Variants in PCBP3 observed in about 807,000 individuals in gnomAD.
PCBP3 encodes poly(rC)-binding protein 3.
Under a neutral mutation model 52.7 loss-of-function variants are expected in PCBP3, and 25 were observed. The ratio of observed to expected loss-of-function variants is 0.47; its 90% confidence interval spans 0.35 to 0.66. PCBP3 has a LOEUF of 0.66. PCBP3 is among the 30% of genes least tolerant of loss of function. The pLI, the probability that PCBP3 is intolerant of heterozygous loss-of-function variation, is 0.01. For synonymous variants in PCBP3, 162 were observed against 183.0 expected, an observed-to-expected ratio of 0.89 and a Z score of 0.93; for missense variants, 391 against 490.3, an observed-to-expected ratio of 0.80 and a Z score of 1.91.
chr21:45,849,486 A>G (rs1007580890), intron 4 of PCBP3, among the ~76,000 whole-genome samples: 1 of 152,108 alleles, frequency 6.6e-6, no homozygotes, highest in African/African-American at 2.4e-5. Context: ...GATTACAGGC[A>G]TGAGCCACCA....
chr21:45,694,015 A>T (rs2082629954), intron 2 of PCBP3, among the ~76,000 whole-genome samples: 1 of 152,178 alleles, frequency 6.6e-6, no homozygotes, highest in South Asian at 2.1e-4. Flanking sequence ...AGCAGTCTGT[A>T]ATAAATTATA....
chr21:45,732,517 T>C (rs1444571338), intron 2 of PCBP3, among the ~76,000 whole-genome samples: 1 of 151,832 alleles, frequency 6.6e-6, no homozygotes, highest in Non-Finnish European at 1.5e-5. Flanking sequence ...TTTTTTTTTT[T>C]TACATAATTT....
chr21:45,936,719 A>C (rs1463125738), intron 16 of PCBP3, among the ~76,000 whole-genome samples: 2 of 152,238 alleles, frequency 1.3e-5, no homozygotes, highest in African/African-American at 4.8e-5. Flanking sequence ...CACTAACACC[A>C]GGTTTGGTGC....
At chr21:45,722,780 A>G (rs1232225813) in intron 2 of PCBP3, among the ~76,000 whole-genome samples, 3 of 152,022 alleles carry the variant, frequency 2.0e-5, no homozygotes, top group Non-Finnish European at 4.4e-5. Flanking sequence ...GTGGGGGTGG[A>G]TCATGAGGTC....
At chr21:45,803,097 G>C (rs970550213) in intron 4 of PCBP3, among the ~76,000 whole-genome samples, 1 of 152,218 alleles carries the variant, frequency 6.6e-6, no homozygotes, top group Non-Finnish European at 1.5e-5. Context: ...AAAGCAACTT[G>C]AGAAAACAGC....
intron 5 of PCBP3, among the ~76,000 whole-genome samples, chr21:45,850,843 A>G (rs1603450348): frequency 6.6e-6 from 1 of 152,256 alleles, no homozygotes; most frequent in East Asian, 1.9e-4. Flanking sequence ...ATAACACAGC[A>G]TGTGGAGAGC....
intron 4 of PCBP3, among the ~76,000 whole-genome samples, chr21:45,796,650 A>C (rs542558349): frequency 6.6e-6 from 1 of 152,104 alleles, no homozygotes; most frequent in East Asian, 1.9e-4. Flanking sequence ...TAGTTTTTCT[A>C]ATTCTGATTT....
At chr21:45,849,198 T>G (rs952141720) in intron 4 of PCBP3, among the ~76,000 whole-genome samples, 1 of 137,092 alleles carries the variant, frequency 7.3e-6, no homozygotes, top group African/African-American at 2.7e-5. Flanking sequence ...CAAATATGCC[T>G]TTTTTTTTTT....
chr21:45,665,364 C>G (rs1025419975), intron 1 of PCBP3, among the ~76,000 whole-genome samples: 1 of 152,056 alleles, frequency 6.6e-6, no homozygotes, highest in Admixed American at 6.5e-5. Flanking sequence ...GCCTTGATCA[C>G]ACCATTGCAC....
Position 45,704,439 on chromosome 21 carries a change from C to T in PCBP3, c.-199-30953C>T, listed in dbSNP as rs2083317486. 1.3e-5 allele frequency among the ~76,000 whole-genome samples: 2 copies of T among 152,172 alleles called. No homozygotes were observed. Among genetic ancestry groups the T allele is most frequent in the South Asian group, 2.1e-4 (1 of 4,836 alleles). On this transcript the variant is annotated intron_variant, in intron 2 of 17. Coordinates refer to ENST00000681687, the MANE Select transcript of PCBP3 (RefSeq NM_001384156.1). The surrounding 1 kb of genome is among the most constrained non-coding windows in gnomAD (Gnocchi z 4.1). ...TGCTATCCTCTGTTGCTGTGGTCTG[C>T]GGGCCAGCTGCAGACTGGGAGGCCG...
chr21:45,646,769 T>C (rs2079339506), intron 1 of PCBP3, among the ~76,000 whole-genome samples: 3 of 152,216 alleles, frequency 2.0e-5, no homozygotes, highest in East Asian at 1.9e-4. Flanking sequence ...TATTACAATA[T>C]AGACATACAT....
At chr21:45,769,503 G>A (rs983795971) in intron 4 of PCBP3, among the ~76,000 whole-genome samples, 11 of 152,258 alleles carry the variant, frequency 7.2e-5, no homozygotes, top group African/African-American at 1.7e-4. Context: ...TCAAATGGGC[G>A]GCCCCTACTG....
In PCBP3 at chr21:45,735,947, C is replaced by T. The variant is rs541629089; in HGVS notation, c.-162+518C>T. ...GCACCGGCCAGCACACAGAGGCACT[C>T]ACCTGTCTCACACAATGCACTGTGG... On this transcript the variant is annotated intron_variant, in intron 3 of 17. Transcript: ENST00000681687. The surrounding 1 kb of genome is among the most constrained non-coding windows in gnomAD (Gnocchi z 4.0). 6.1e-4 allele frequency among the ~76,000 whole-genome samples: 93 copies of T among 152,370 alleles called. No individual in the cohort carries two copies. Among genetic ancestry groups the T allele is most frequent in the Non-Finnish European group, 1.2e-3 (81 of 68,046 alleles).
At chr21:45,789,915 G>A (rs1017758922) in intron 4 of PCBP3, among the ~76,000 whole-genome samples, 5 of 152,158 alleles carry the variant, frequency 3.3e-5, no homozygotes, top group Non-Finnish European at 5.9e-5. Context: ...CGAGACGGGC[G>A]GATCACGAGG....
intron 4 of PCBP3, among the ~76,000 whole-genome samples, chr21:45,804,116 C>T (rs1391571032): frequency 6.6e-6 from 1 of 152,158 alleles, no homozygotes; most frequent in African/African-American, 2.4e-5. Context: ...TGCCTGCTGC[C>T]GCGCCTCCCT....
At chr21:45,646,021 G>C (rs896226906) in intron 1 of PCBP3, among the ~76,000 whole-genome samples, 2 of 149,824 alleles carry the variant, frequency 1.3e-5, no homozygotes, top group East Asian at 3.9e-4. Context: ...TCATGGGCCC[G>C]CTGTCCATGG....
At chr21:45,901,750 G>GATGAGAGAGAGAGAGACAGAA (rs1569474865) in intron 9 of PCBP3, among the ~76,000 whole-genome samples, 1 of 150,848 alleles carries the variant, frequency 6.6e-6, no homozygotes, top group African/African-American at 2.5e-5. Flanking sequence ...CAGAAAGAGA[G>GATGAGAGAGAGAGAGACAGAA]AGAGACAGAG....
Position 45,891,347 on chromosome 21 carries a change from G to T in PCBP3, c.11-4861G>T, listed in dbSNP as rs62211941. 2.0e-3 allele frequency among the ~76,000 whole-genome samples: 298 copies of T among 152,358 alleles called. 1 individual carries two copies. Among genetic ancestry groups the T allele is most frequent in the Non-Finnish European group, 2.8e-3 (192 of 68,042 alleles). ...GTGTATCCCGCCTTGCATACAGCTC[G>T]AATGTTCTTCACTGGTTGAGTGGAA... On this transcript the variant is annotated intron_variant, in intron 5 of 17. Transcript: ENST00000681687.
intron 3 of PCBP3, among the ~76,000 whole-genome samples, chr21:45,738,002 G>A (rs1460295889): frequency 1.3e-5 from 2 of 152,142 alleles, no homozygotes; most frequent in Non-Finnish European, 2.9e-5. Flanking sequence ...GGCCTCCATG[G>A]AGAAGCACAG....
Sources: allele counts gnomAD v4.1 joint callset (sites outside exome capture counted in the v4.1 genomes callset), GRCh38; gene constraint gnomAD v4.1.1; non-coding constraint Gnocchi (gnomAD v3.1); transcripts MANE v1.5; gene names NCBI Gene and HGNC (gene_info 2026-07-23, HGNC 2026-07-21).